Variants in CRACDL observed in about 807,000 individuals in gnomAD.
CRACDL encodes CRACD-like protein.
In CRACDL, 26 loss-of-function variants were observed where a neutral mutation model predicts 70.6. The ratio of observed to expected loss-of-function variants is 0.37; its 90% CI spans 0.27 to 0.51. CRACDL has a LOEUF of 0.51. Ranked by LOEUF, CRACDL falls within the 20% of genes least tolerant of loss-of-function variation. The probability of loss-of-function intolerance (pLI) is 0.94; values close to 1 mark genes in which losing one functional copy is unlikely to be tolerated. For missense variants in CRACDL, 1,283 were observed against 1,376.9 expected (o/e 0.93, Z 1.08); for synonymous variants, 618 against 615.2 (o/e 1.00, Z -0.07).
At chr2:98,834,747 A>G (rs180878863) in intron 3 of CRACDL, among the ~76,000 whole-genome samples, 69 of 152,342 alleles carry the variant, frequency 4.5e-4, no homozygotes, top group Non-Finnish European at 9.1e-4. Flanking sequence ...CTCTAAAACT[A>G]GAAAACAAAC....
chr2:98,876,610 T>C (rs1310073210), intron 1 of CRACDL, among the ~76,000 whole-genome samples: 1 of 152,212 alleles, frequency 6.6e-6, no homozygotes, highest in Non-Finnish European at 1.5e-5. Flanking sequence ...GCCATCCCCC[T>C]GCCCTTCCCT....
rs1477805333 is a variant in CRACDL, at chr2:98,823,228, T to G, written c.1045A>C (p.Thr349Pro). The change falls in exon 7 of 10, where the codon ACT (threonine) becomes CCT (proline). Residue 349 changes from threonine (T) to proline (P), a missense_variant. Physicochemically the swap from Thr to Pro is conservative, Grantham distance 38 (BLOSUM62 -1). This residue lies in a region of CRACDL where 362 missense variants were observed against 495.0 expected (regional missense o/e 0.73). Coordinates refer to ENST00000397899, the MANE Select transcript of CRACDL (RefSeq NM_207362.3). The surrounding 1 kb of genome is among the most constrained non-coding windows in gnomAD (Gnocchi z 4.0). ...GGGGACGGGGGCTCCACGCGGAGAGTGGGGGCCGACTCGGGCTCGGCGAGC... is the reference window on the plus strand; with the variant it reads ...GGGGACGGGGGCTCCACGCGGAGAGGGGGGGCCGACTCGGGCTCGGCGAGC... The part of the protein sequence containing the change: ...PELAEPESAP[T>P]LRVEPPSPPE... 2.1e-6 allele frequency: 3 copies of G among 1,407,212 alleles called. No homozygotes were observed. The highest frequency in any genetic ancestry group is 2.8e-6 in the Non-Finnish European group (3 of 1,085,692). 87.2% of individuals were successfully genotyped at this position (1,407,212 alleles called of 1,614,324 possible).
intron 5 of CRACDL, 97 bp downstream of exon 5, chr2:98,832,251 C>T: frequency 1.5e-6 from 2 of 1,346,990 alleles, no homozygotes; most frequent in South Asian, 1.2e-5. Flanking sequence ...CATGCACAGC[C>T]TGGAGATCTT....
At chr2:98,914,377 G>A (rs1708618303) in intron 1 of CRACDL, among the ~76,000 whole-genome samples, 1 of 152,170 alleles carries the variant, frequency 6.6e-6, no homozygotes, top group African/African-American at 2.4e-5. Flanking sequence ...CTCCCCTCAA[G>A]GTTGGGGCCC....
chr2:98,794,552 T>C lies in CRACDL; in HGVS notation c.2869A>G (p.Met957Val). ...ARKKSQAWSD[M>V]PQIIK ...CCCACCTATTTTATAATCTGGGGCA[T>C]GTCACTCCAAGCTTGAGATTTCTTT... The change falls in exon 10 of 10, where the codon ATG (methionine) becomes GTG (valine). Residue 957 changes from methionine to valine, a missense_variant. Around this residue, in one of 2 missense-constraint regions of CRACDL, gnomAD observed 921 missense variants for 881.9 expected, o/e 1.04. Transcript: ENST00000397899. 1 of 1,614,106 alleles carries C rather than the reference T, an allele frequency of 6.2e-7. No individual in the cohort carries two copies. The highest frequency in any genetic ancestry group is 8.5e-7 in the Non-Finnish European group (1 of 1,179,954).
chr2:98,802,685 T>C (rs761826031), intron 7 of CRACDL, among the ~76,000 whole-genome samples: 14 of 152,244 alleles, frequency 9.2e-5, no homozygotes, highest in Admixed American at 5.9e-4. Flanking sequence ...ACTTCTGCTA[T>C]GACGAGTTGA....
chr2:98,873,327 G>A (rs997183971), intron 1 of CRACDL, among the ~76,000 whole-genome samples: 6 of 152,352 alleles, frequency 3.9e-5, no homozygotes, highest in African/African-American at 7.2e-5. Context: ...AGAAGCTATC[G>A]CTGTAGAACT....
rs149538685 is a variant in CRACDL at position 98,854,146 on chromosome 2, G to A, written c.-10-7336C>T. Among the ~76,000 whole-genome samples, 4 of 151,854 alleles carry A rather than the reference G, an allele frequency of 2.6e-5. No homozygotes were observed. In the East Asian group the frequency reaches 7.7e-4, roughly 29 times the overall value. On this transcript the variant is annotated intron_variant, in intron 1 of 9. Coordinates refer to ENST00000397899, the MANE Select transcript of CRACDL (RefSeq NM_207362.3). ...AAAATACAAAAATTAGCTGGGCGTG[G>A]TAGTGGGCACCTGTAGTCCCAGTAT... is the stretch of plus-strand genomic sequence containing the variant.
chr2:98,859,242 A>G (rs1001153690), intron 1 of CRACDL, among the ~76,000 whole-genome samples: 2 of 152,234 alleles, frequency 1.3e-5, no homozygotes, highest in Non-Finnish European at 2.9e-5. Flanking sequence ...ACACAATACT[A>G]GCAAGCTAAA....
intron 1 of CRACDL, among the ~76,000 whole-genome samples, chr2:98,932,707 T>A (rs890253808): frequency 3.9e-5 from 6 of 152,154 alleles, no homozygotes; most frequent in Admixed American, 3.3e-4. Flanking sequence ...CCAGTCTTTT[T>A]CAGGTAATAA....
chr2:98,825,639 A>T (rs1196390223), intron 6 of CRACDL, among the ~76,000 whole-genome samples: 1 of 152,212 alleles, frequency 6.6e-6, no homozygotes, highest in Non-Finnish European at 1.5e-5. Flanking sequence ...CTCATTCAGC[A>T]CGAGTACAGG....
At chr2:98,837,682 G>T (rs575919023) in intron 3 of CRACDL, among the ~76,000 whole-genome samples, 3 of 152,000 alleles carry the variant, frequency 2.0e-5, no homozygotes, top group Non-Finnish European at 4.4e-5. Context: ...ATAGCAAGGA[G>T]CGCCCCCTCC....
chr2:98,795,075 A>ATTTTTTTTTTTTTTTTTTT (rs1310155610), intron 9 of CRACDL, among the ~76,000 whole-genome samples: 3 of 24,468 alleles, frequency 1.2e-4, no homozygotes, highest in South Asian at 2.9e-3. Flanking sequence ...ATATATATAT[A>ATTTTTTTTTTTTTTTTTTT]TATTTTTTTT....
intron 7 of CRACDL, among the ~76,000 whole-genome samples, chr2:98,801,868 T>C (rs1327235179): frequency 2.0e-5 from 3 of 152,224 alleles, no homozygotes; most frequent in Admixed American, 2.0e-4. Flanking sequence ...ATGTGCTTGT[T>C]GCTAGTGTTG....
At chr2:98,815,723 G>A (rs1704757269) in intron 7 of CRACDL, among the ~76,000 whole-genome samples, 1 of 152,180 alleles carries the variant, frequency 6.6e-6, no homozygotes, top group Non-Finnish European at 1.5e-5. Flanking sequence ...GAGCAGGGCT[G>A]GAAGGGCTAA....
intron 1 of CRACDL, among the ~76,000 whole-genome samples, chr2:98,873,560 C>T (rs1707405940): frequency 6.6e-6 from 1 of 152,374 alleles, no homozygotes; most frequent in South Asian, 2.1e-4. Flanking sequence ...TCCCTCTGGG[C>T]CTGCCAGGAA....
chr2:98,823,375 G>A lies in CRACDL; in HGVS notation c.898C>T (p.Pro300Ser). 6.5e-7 allele frequency: 1 copy of A among 1,533,738 alleles called. No homozygotes were observed. The highest frequency in any genetic ancestry group is 1.2e-5 in the South Asian group (1 of 84,180). Reference protein sequence around the residue: ...GPEPGPPAPLPPPGGARARRA... With the variant: ...GPEPGPPAPLSPPGGARARRA... ...CTGGCACGGGCCCCTCCGGGTGGCG[G>A]CAAGGGCGCCGGTGGCCCAGGCTCA... The change falls in exon 7 of 10, where the codon CCG (proline) becomes TCG (serine). Residue 300 changes from proline (P) to serine (S), a missense_variant. This residue lies in a region of CRACDL where 362 missense variants were observed against 495.0 expected (regional missense o/e 0.73). Transcript: ENST00000397899. This position sits in a 1 kb window ranked among gnomAD's most constrained non-coding sequence, Gnocchi z 4.0.
At chr2:98,897,757 A>G (rs1486520435) in intron 1 of CRACDL, among the ~76,000 whole-genome samples, 1 of 152,248 alleles carries the variant, frequency 6.6e-6, no homozygotes, top group Non-Finnish European at 1.5e-5. Flanking sequence ...AACTCTGGAT[A>G]ATATCCTTGT....
intron 1 of CRACDL, among the ~76,000 whole-genome samples, chr2:98,858,243 C>T (rs1027719249): frequency 3.9e-5 from 6 of 152,112 alleles, no homozygotes; most frequent in African/African-American, 1.4e-4. Flanking sequence ...GTGGTGCCTG[C>T]CTATAATCCC....
Sources: gnomAD v4.1 joint callset for allele counts (sites outside exome capture counted in the v4.1 genomes callset) on GRCh38, gnomAD v4.1.1 for gene constraint, gnomAD v4.1.1 regional missense constraint, Gnocchi (gnomAD v3.1) non-coding constraint, MANE v1.5 for transcripts, NCBI Gene and HGNC (gene_info 2026-07-23, HGNC 2026-07-21) for gene names.